Variants in SHPRH observed in about 807,000 individuals in gnomAD.
The protein encoded by SHPRH is SNF2 histone linker PHD RING helicase.
In SHPRH, 106 loss-of-function variants were observed where a neutral mutation model predicts 202.5. That is an observed-to-expected ratio of 0.52 (90% confidence interval 0.45 to 0.62). The LOEUF is 0.62. Ranked by LOEUF, SHPRH falls within the 20% of genes least tolerant of loss-of-function variation. SHPRH has a pLI of 0.00. For synonymous variants in SHPRH, 729 were observed against 686.0 expected (o/e 1.06, Z -0.98); for missense variants, 1,710 against 2,020.0 (o/e 0.85, Z 2.94).
At chr6:145,930,318 T>A (rs569647014) in intron 14 of SHPRH, among the ~76,000 whole-genome samples, 23 of 152,296 alleles carry the variant, frequency 1.5e-4, no homozygotes, top group East Asian at 3.9e-4. Flanking sequence ...TCTTTTTTTT[T>A]AAATTTCTTA....
At chr6:145,938,690 C>G (rs574331392) in intron 11 of SHPRH, among the ~76,000 whole-genome samples, 1 of 152,052 alleles carries the variant, frequency 6.6e-6, no homozygotes, top group African/African-American at 2.4e-5. Context: ...CTTTAAAACA[C>G]CTTATTTTAT....
chr6:145,955,347 T>C lies in SHPRH; in HGVS notation c.-25A>G, dbSNP rs1447137968. 1.3e-6 allele frequency: 2 copies of C among 1,579,450 alleles called. No homozygotes were observed. Among genetic ancestry groups the C allele is most frequent in the Non-Finnish European group, 1.7e-6 (2 of 1,166,652 alleles). Reference sequence around the variant, plus strand: ...TTTTCAAGTTTTCTTGGCTGGTAACTGTGAACTCTAGAGGACAAATGAAAC... The same window carrying C: ...TTTTCAAGTTTTCTTGGCTGGTAACCGTGAACTCTAGAGGACAAATGAAAC... On this transcript the variant is annotated 5_prime_UTR_variant, in exon 2 of 30. Coordinates refer to ENST00000275233, the MANE Select transcript of SHPRH (RefSeq NM_001042683.3).
In SHPRH at chr6:145,935,332, G is replaced by A. The variant is rs763794988; in HGVS notation, c.2679C>T (p.Tyr893=). The A allele has an allele frequency of 2.7e-5, 44 of 1,613,898 alleles. No homozygotes were observed. The highest frequency in any genetic ancestry group is 5.5e-5 in the South Asian group (5 of 91,092). The change falls in exon 12 of 30, where the codon TAC becomes TAT. Residue 893 remains tyrosine (Y), a synonymous_variant. Transcript: ENST00000275233. ...PYCKKNPQHL[Y]SFIAKILWRS... is the part of the protein sequence containing the mutation. ...TCCACAGTATCTTGGCAATAAAGCT[G>A]TAGAGATGCTGAGGATTCTTCTTGC...
intron 25 of SHPRH, chr6:145,909,403 C>T (rs907084773): frequency 6.6e-6 from 1 of 152,038 alleles, no homozygotes; most frequent in African/African-American, 2.4e-5. Flanking sequence ...CTTATTCTAA[C>T]TGTGGAATTC....
At chr6:145,872,807 T>C (rs879939490) in intron 2 of SHPRH, among the ~76,000 whole-genome samples, 67 of 152,078 alleles carry the variant, frequency 4.4e-4, no homozygotes, top group African/African-American at 1.4e-3. Context: ...CAGTGATAGA[T>C]TGGATAAAGA....
intron 14 of SHPRH, among the ~76,000 whole-genome samples, chr6:145,929,811 T>C (rs4075696): frequency 0.52 from 79,524 of 151,842 alleles, 21,295 homozygotes; most frequent in East Asian, 0.65. Flanking sequence ...GGCCCTTTTC[T>C]ATTAGATATT....
chr6:145,872,108 G>A (rs1342405068), intron 2 of SHPRH, among the ~76,000 whole-genome samples: 1 of 151,922 alleles, frequency 6.6e-6, no homozygotes, highest in Admixed American at 6.6e-5. Context: ...AGAAAACCTG[G>A]GCAATACCAT....
intron 11 of SHPRH, among the ~76,000 whole-genome samples, chr6:145,938,478 AAAT>A (rs1173636183): frequency 2.0e-5 from 3 of 152,198 alleles, no homozygotes; most frequent in Admixed American, 6.5e-5. Flanking sequence ...TCAAATACAT[AAAT>A]AATAACAAAT....
At chr6:145,871,359 T>G (rs1209411695) in intron 2 of SHPRH, 1 of 152,112 alleles carries the variant, frequency 6.6e-6, no homozygotes, top group African/African-American at 2.4e-5. Flanking sequence ...CAGCAAAGTC[T>G]CAGGATAAAA....
chr6:145,955,333 T>C lies in SHPRH; in HGVS notation c.-11A>G. ...CCGTCGGCTGCTCATTTTCAAGTTT[T>C]CTTGGCTGGTAACTGTGAACTCTAG... On this transcript the variant is annotated 5_prime_UTR_variant, in exon 2 of 30. Coordinates refer to ENST00000275233, the MANE Select transcript of SHPRH (RefSeq NM_001042683.3). 1 of 1,586,212 alleles carries C rather than the reference T, an allele frequency of 6.3e-7. No homozygotes were observed.
chr6:145,904,392 G>A (rs1181299692), intron 25 of SHPRH: 1 of 152,000 alleles, frequency 6.6e-6, no homozygotes, highest in Non-Finnish European at 1.5e-5. Context: ...GGAACTAGTA[G>A]TTTCTAAAAT....
chr6:145,916,402 T>C (rs1007687780), intron 23 of SHPRH, among the ~76,000 whole-genome samples: 1 of 152,108 alleles, frequency 6.6e-6, no homozygotes, highest in Non-Finnish European at 1.5e-5. Context: ...TTGACAGATA[T>C]TGTTAAAGTG....
intron 3 of SHPRH, chr6:145,951,918 C>T: frequency 2.2e-6 from 1 of 455,590 alleles, no homozygotes; most frequent in Non-Finnish European, 4.4e-6. Context: ...ACCAAAGATG[C>T]AACGTCTTGC....
chr6:145,911,580 C>T (rs549426995), intron 24 of SHPRH, among the ~76,000 whole-genome samples: 1 of 152,220 alleles, frequency 6.6e-6, no homozygotes, highest in Admixed American at 6.5e-5. Context: ...AAAGCTATGG[C>T]ATCTTACAAA....
chr6:145,946,352 C>A lies in SHPRH; in HGVS notation c.1213-11G>T. The A allele has an allele frequency of 1.9e-6, 3 of 1,588,484 alleles. No individual in the cohort carries two copies. The highest frequency in any genetic ancestry group is 8.6e-7 in the Non-Finnish European group (1 of 1,162,686). On this transcript the variant is annotated splice_polypyrimidine_tract_variant and intron_variant, in intron 6 of 29. Transcript: ENST00000275233. ...ATTCACCACTTTTCCCTGATACAAA[C>A]AACAGTCAGTAGTTACACAGTGTTT...
intron 14 of SHPRH, among the ~76,000 whole-genome samples, chr6:145,929,070 A>G (rs980757703): frequency 6.6e-6 from 1 of 151,946 alleles, no homozygotes; most frequent in Non-Finnish European, 1.5e-5. Context: ...AGGTATAGTG[A>G]TTAAACTATA....
intron 2 of SHPRH, among the ~76,000 whole-genome samples, chr6:145,874,550 TAC>T (rs1780215110): frequency 6.6e-6 from 1 of 152,238 alleles, no homozygotes; most frequent in Non-Finnish European, 1.5e-5. Context: ...TGTTTTGATA[TAC>T]ATATACATTC....
downstream of SHPRH, chr6:145,883,191 T>A (rs1055138614): frequency 2.0e-5 from 3 of 152,224 alleles, no homozygotes; most frequent in Admixed American, 6.5e-5. Flanking sequence ...TGTTTTTTAA[T>A]TTCTATTTTG....
chr6:145,926,082 A>G, intron 16 of SHPRH, 122 bp downstream of exon 16: 1 of 932,938 alleles, frequency 1.1e-6, no homozygotes, highest in South Asian at 1.7e-5. Flanking sequence ...CGAAACATCA[A>G]AGTAACAGGA....
Sources: allele counts gnomAD v4.1 joint callset (sites outside exome capture counted in the v4.1 genomes callset), GRCh38; gene constraint gnomAD v4.1.1; transcripts MANE v1.5; gene names NCBI Gene and HGNC (gene_info 2026-07-23, HGNC 2026-07-21).